OXCT1: variants seen among roughly 807,000 people sequenced by gnomAD.
OXCT1 encodes the protein succinyl-CoA:3-ketoacid coenzyme A transferase 1, mitochondrial.
Under a neutral mutation model 69.6 loss-of-function variants are expected in OXCT1, and 27 were observed. The ratio of observed to expected loss-of-function variants is 0.39; its 90% CI spans 0.29 to 0.54. The LOEUF (loss-of-function observed/expected upper bound fraction) is 0.54. Among genes scored for constraint, OXCT1 ranks in the 20% least tolerant of loss-of-function variants. OXCT1 has a pLI of 0.72. For synonymous variants in OXCT1, 202 were observed against 217.8 expected, an observed-to-expected ratio of 0.93 and a Z score of 0.64; for missense variants, 437 against 650.2, an observed-to-expected ratio of 0.67 and a Z score of 3.57.
In OXCT1 at chr5:41,774,151, G is replaced by T. The variant is rs578162713; in HGVS notation, c.1249-11951C>A. Among the ~76,000 whole-genome samples, 15 of 152,266 alleles carry T rather than the reference G, an allele frequency of 9.9e-5. 1 individual carries two copies. In the South Asian group the frequency reaches 3.1e-3, roughly 32 times the overall value. The stretch of plus-strand genomic sequence containing the variant: ...TTAATCCTAAGAATGCCATTTTCTA[G>T]GTCTGGTATTTGGAAGAAAACACAT... On this transcript the variant is annotated intron_variant, in intron 13 of 16. Coordinates refer to ENST00000196371, the MANE Select transcript of OXCT1 (RefSeq NM_000436.4).
At chr5:41,767,384 A>G (rs912728520) in intron 13 of OXCT1, among the ~76,000 whole-genome samples, 10 of 152,164 alleles carry the variant, frequency 6.6e-5, no homozygotes, top group Non-Finnish European at 1.5e-4. Context: ...ACTTACAATA[A>G]AAATCAGTTA....
chr5:41,820,554 G>A (rs889289605), intron 7 of OXCT1, among the ~76,000 whole-genome samples: 3 of 152,212 alleles, frequency 2.0e-5, no homozygotes, highest in Non-Finnish European at 4.4e-5. Context: ...AGGGATTAGT[G>A]AACTGCAAAA....
rs748675329 is a variant in OXCT1, at chr5:41,862,762, A to T, written c.79-12T>A. On this transcript the variant is annotated splice_polypyrimidine_tract_variant and intron_variant, in intron 1 of 16. Transcript: ENST00000196371. ...GAACAAACACATCCCTGAAATATTA[A>T]AAAAAAAAAATTGATAATCATTTGG... The T allele has an allele frequency of 6.7e-7, 1 of 1,489,140 alleles. No individual in the cohort carries two copies. 92.2% of individuals were successfully genotyped at this position (1,489,140 alleles called of 1,614,324 possible). A position where few individuals can be genotyped will look rare whatever the true frequency, so the allele number is the denominator to read the frequency against.
At chr5:41,768,954 T>G (rs896003678) in intron 13 of OXCT1, among the ~76,000 whole-genome samples, 1 of 152,124 alleles carries the variant, frequency 6.6e-6, no homozygotes, top group Non-Finnish European at 1.5e-5. Context: ...ATGCCAGGAA[T>G]AGTGAGTTGC....
intron 15 of OXCT1, 145 bp downstream of exon 15, chr5:41,749,382 A>G: frequency 1.6e-6 from 1 of 611,020 alleles, no homozygotes. Context: ...ATTTAGAAAC[A>G]TTAAATTGAT....
Position 41,805,783 on chromosome 5 carries a change from A to G in OXCT1, c.841-102T>C, listed in dbSNP as rs1185715926. ...TGGAAAAAAAGATGAGCTCTCTCCCATTGTTATGAGACAAATCTGCAATAT... is the reference window on the plus strand; with the variant it reads ...TGGAAAAAAAGATGAGCTCTCTCCCGTTGTTATGAGACAAATCTGCAATAT... On this transcript the variant is annotated intron_variant, in intron 8 of 16. Coordinates refer to ENST00000196371, the MANE Select transcript of OXCT1 (RefSeq NM_000436.4). The G allele has an allele frequency of 1.5e-5, 12 of 778,682 alleles. No homozygotes were observed. The South Asian group carries it at 1.7e-4, about 11-fold the overall frequency. The allele number at this position is 778,682 out of a possible 1,614,324, so 48.2% of individuals were successfully genotyped here.
intron 6 of OXCT1, 109 bp downstream of exon 6, chr5:41,842,566 G>T: frequency 1.2e-6 from 1 of 815,640 alleles, no homozygotes; most frequent in Non-Finnish European, 2.2e-6. Context: ...ACATGGGCAT[G>T]TATGATTTTG....
intron 14 of OXCT1, among the ~76,000 whole-genome samples, chr5:41,750,003 C>T (rs147058878): frequency 3.1e-4 from 47 of 152,104 alleles, no homozygotes; most frequent in African/African-American, 1.1e-3. Flanking sequence ...AACACAAATG[C>T]GTAAGTCCTC....
chr5:41,842,280 T>C (rs918952883), intron 6 of OXCT1, among the ~76,000 whole-genome samples: 12 of 152,194 alleles, frequency 7.9e-5, no homozygotes, highest in Non-Finnish European at 1.6e-4. Flanking sequence ...TAGCAGTATC[T>C]TTCCAGAGTA....
intron 5 of OXCT1, among the ~76,000 whole-genome samples, chr5:41,845,406 T>C (rs376021038): frequency 6.6e-5 from 10 of 152,300 alleles, no homozygotes; most frequent in African/African-American, 2.2e-4. Context: ...ACTTCCACTA[T>C]AGACATTATG....
At position 41,803,072 on chromosome 5, in the gene OXCT1, A is replaced by T; in HGVS notation, c.1047T>A (p.Gly349=). 1 of 1,604,654 alleles carries T rather than the reference A, an allele frequency of 6.2e-7. No homozygotes were observed. The highest frequency in any genetic ancestry group is 8.5e-7 in the Non-Finnish European group (1 of 1,171,866). The change falls in exon 10 of 17, where the codon GGT becomes GGA. Residue 349 remains glycine, a synonymous_variant. Transcript: ENST00000196371. ...VHLQSENGVL[G]LGPYPRQHEA... ...AGAAAACAAATTTTCATCTTACCAA[A>T]CCCAGAACTCCATTTTCACTTTGAA...
At chr5:41,824,619 C>T (rs966545368) in intron 7 of OXCT1, among the ~76,000 whole-genome samples, 5 of 152,082 alleles carry the variant, frequency 3.3e-5, no homozygotes, top group African/African-American at 1.2e-4. Context: ...ATGCCAAGAG[C>T]ACTGAACAAA....
chr5:41,830,298 G>A (rs1748034622), intron 7 of OXCT1, among the ~76,000 whole-genome samples: 1 of 152,166 alleles, frequency 6.6e-6, no homozygotes, highest in Non-Finnish European at 1.5e-5. Context: ...GAAAGGGTTG[G>A]TGGAAGGAAG....
chr5:41,767,515 A>C (rs547244472), intron 13 of OXCT1, among the ~76,000 whole-genome samples: 1 of 151,492 alleles, frequency 6.6e-6, no homozygotes, highest in South Asian at 2.1e-4. Flanking sequence ...TATGTCATCA[A>C]TTAGCCCCAT....
intron 14 of OXCT1, among the ~76,000 whole-genome samples, chr5:41,753,491 A>G (rs905587253): frequency 1.3e-5 from 2 of 152,036 alleles, no homozygotes; most frequent in African/African-American, 4.8e-5. Context: ...AACACATACC[A>G]CCACATACCT....
chr5:41,818,018 T>C (rs1747332025), intron 7 of OXCT1, among the ~76,000 whole-genome samples: 2 of 152,196 alleles, frequency 1.3e-5, no homozygotes, highest in Non-Finnish European at 2.9e-5. Flanking sequence ...GTAAAATCCA[T>C]AGAACATTTC....
At chr5:41,791,167 G>A (rs934509509) in intron 13 of OXCT1, among the ~76,000 whole-genome samples, 13 of 152,036 alleles carry the variant, frequency 8.6e-5, no homozygotes, top group African/African-American at 3.1e-4. Flanking sequence ...CTCAAACAAT[G>A]AAAATATACA....
intron 9 of OXCT1, 41 bp from the exon 10 acceptor site, chr5:41,803,204 G>C: frequency 7.6e-7 from 1 of 1,322,262 alleles, no homozygotes; most frequent in Non-Finnish European, 1.1e-6. Context: ...ATAAAAGGTA[G>C]AGAAGTTATA....
chr5:41,745,778 G>A (rs1037603298), intron 15 of OXCT1, among the ~76,000 whole-genome samples: 72 of 152,244 alleles, frequency 4.7e-4, no homozygotes, highest in Non-Finnish European at 2.4e-4. Flanking sequence ...ACACCTCTAC[G>A]CAAATAAACT....
Sources: allele counts gnomAD v4.1 joint callset (sites outside exome capture counted in the v4.1 genomes callset), GRCh38; gene constraint gnomAD v4.1.1; transcripts MANE v1.5; gene names NCBI Gene and HGNC (gene_info 2026-07-23, HGNC 2026-07-21).